Variants in ZHX2 observed in about 807,000 individuals in gnomAD.
ZHX2 encodes the protein zinc fingers and homeoboxes 2, also known as zinc fingers and homeoboxes protein 2.
Under a neutral mutation model 21.9 loss-of-function variants are expected in ZHX2, and 6 were observed. The observed-to-expected ratio is 0.27, with a 90% CI of 0.15 to 0.54. ZHX2 has a LOEUF of 0.54. Ranked by LOEUF, ZHX2 falls within the 20% of genes least tolerant of loss-of-function variation. The pLI is 0.95. For synonymous variants in ZHX2, 434 were observed against 437.1 expected, an observed-to-expected ratio of 0.99 and a Z score of 0.09; for missense variants, 908 against 1,090.7, an observed-to-expected ratio of 0.83 and a Z score of 2.36.
chr8:122,922,269 G>T (rs1820758099), intron 2 of ZHX2, among the ~76,000 whole-genome samples: 1 of 138,284 alleles, frequency 7.2e-6, no homozygotes, highest in African/African-American at 2.8e-5. Context: ...TCACTTGTGA[G>T]TTCATGAAAA....
chr8:122,958,800 A>G (rs527833504), intron 3 of ZHX2, among the ~76,000 whole-genome samples: 1 of 152,324 alleles, frequency 6.6e-6, no homozygotes, highest in East Asian at 1.9e-4. Flanking sequence ...GTGGAAACTA[A>G]TCCACAATGT....
At chr8:122,920,905 T>C (rs1820721360) in intron 2 of ZHX2, among the ~76,000 whole-genome samples, 1 of 152,096 alleles carries the variant, frequency 6.6e-6, no homozygotes, top group African/African-American at 2.4e-5. Context: ...CACACCACAA[T>C]GCACAGCACC....
intron 1 of ZHX2, among the ~76,000 whole-genome samples, chr8:122,836,237 C>T (rs535098125): frequency 6.6e-6 from 1 of 152,254 alleles, no homozygotes; most frequent in Admixed American, 6.5e-5. Flanking sequence ...GATTTTTGGA[C>T]CAGAGAAATC....
intron 2 of ZHX2, among the ~76,000 whole-genome samples, chr8:122,895,306 A>G (rs551587859): frequency 4.3e-4 from 66 of 152,200 alleles, no homozygotes; most frequent in Non-Finnish European, 7.3e-4. Flanking sequence ...CCAGTGGAGA[A>G]ATGCACTTTC....
chr8:122,801,730 CCA>C (rs993529856), intron 1 of ZHX2, among the ~76,000 whole-genome samples: 1 of 152,110 alleles, frequency 6.6e-6, no homozygotes, highest in Non-Finnish European at 1.5e-5. Flanking sequence ...CCAGCCCAGG[CCA>C]CAGAGTGAGA....
intron 1 of ZHX2, among the ~76,000 whole-genome samples, chr8:122,825,010 A>G (rs1402460847): frequency 5.3e-5 from 8 of 152,252 alleles, no homozygotes. Context: ...TCCTTCATTC[A>G]TAAAGACCCT....
At chr8:122,959,875 C>A (rs1025894398) in intron 3 of ZHX2, among the ~76,000 whole-genome samples, 2 of 152,202 alleles carry the variant, frequency 1.3e-5, no homozygotes, top group Non-Finnish European at 2.9e-5. Context: ...GGAATTCTCA[C>A]TGTGCTTTGG....
At chr8:122,879,436 A>G (rs1819649195) in intron 2 of ZHX2, among the ~76,000 whole-genome samples, 1 of 148,922 alleles carries the variant, frequency 6.7e-6, no homozygotes, top group African/African-American at 2.5e-5. Context: ...CAATCTCTTG[A>G]CCTCGTGATC....
At position 122,917,916 on chromosome 8, in the gene ZHX2, G is replaced by A. The variant is rs1396402751; in HGVS notation, c.-219-33376G>A. 1.3e-5 allele frequency among the ~76,000 whole-genome samples: 2 copies of A among 152,168 alleles called. 1 individual carries two copies. The highest frequency in any genetic ancestry group is 2.9e-5 in the Non-Finnish European group (2 of 68,038). ...ATAGGTTCTCCTAGTAAGGCCATCA[G>A]GATTCTTCTCAACACACTGCAGACC... On this transcript the variant is annotated intron_variant, in intron 2 of 3. Transcript: ENST00000314393.
At chr8:122,853,919 T>C (rs942880508) in intron 1 of ZHX2, among the ~76,000 whole-genome samples, 1 of 152,202 alleles carries the variant, frequency 6.6e-6, no homozygotes, top group Non-Finnish European at 1.5e-5. Context: ...GATGACTCTT[T>C]TTTTAACACA....
chr8:122,938,942 T>A (rs1017951746), intron 2 of ZHX2, among the ~76,000 whole-genome samples: 9 of 152,108 alleles, frequency 5.9e-5, no homozygotes, highest in Non-Finnish European at 1.2e-4. Context: ...GGGGATATAT[T>A]TGGCAGTTTA....
chr8:122,822,241 G>C (rs147337484), intron 1 of ZHX2, among the ~76,000 whole-genome samples: 1 of 152,172 alleles, frequency 6.6e-6, no homozygotes, highest in Non-Finnish European at 1.5e-5. Flanking sequence ...AAGGCCCAGC[G>C]AGTGAAGGGG....
intron 2 of ZHX2, among the ~76,000 whole-genome samples, chr8:122,949,328 GA>G (rs1365345685): frequency 1.3e-5 from 2 of 151,398 alleles, no homozygotes; most frequent in Non-Finnish European, 2.9e-5. Flanking sequence ...TATCTGAAAA[GA>G]AAAAAAGGAA....
intron 2 of ZHX2, among the ~76,000 whole-genome samples, chr8:122,864,643 C>G (rs973743214): frequency 2.0e-5 from 3 of 152,124 alleles, no homozygotes; most frequent in Non-Finnish European, 4.4e-5. Flanking sequence ...CCCACCCCCC[C>G]ACTCCCCAGG....
At chr8:122,962,575 G>A (rs1813483731) in intron 3 of ZHX2, among the ~76,000 whole-genome samples, 3 of 152,174 alleles carry the variant, frequency 2.0e-5, no homozygotes, top group Admixed American at 2.0e-4. Flanking sequence ...GAATTTTGCT[G>A]CTATAAACAT....
intron 1 of ZHX2, among the ~76,000 whole-genome samples, chr8:122,825,065 C>T (rs190925175): frequency 6.6e-6 from 1 of 152,344 alleles, no homozygotes; most frequent in East Asian, 1.9e-4. Flanking sequence ...ATAATCTCCC[C>T]ATCTCAAGAT....
At chr8:122,940,070 A>G (rs1193938282) in intron 2 of ZHX2, among the ~76,000 whole-genome samples, 1 of 152,208 alleles carries the variant, frequency 6.6e-6, no homozygotes, top group African/African-American at 2.4e-5. Flanking sequence ...GTGAATTAAC[A>G]TGCAGCATTT....
intron 1 of ZHX2, among the ~76,000 whole-genome samples, chr8:122,796,480 A>G (rs1486736905): frequency 6.6e-6 from 1 of 152,172 alleles, no homozygotes; most frequent in East Asian, 1.9e-4. Context: ...GTAATAGGAA[A>G]ATGGGCTTGG....
intron 1 of ZHX2, among the ~76,000 whole-genome samples, chr8:122,820,720 C>T (rs1325034307): frequency 6.6e-6 from 1 of 152,126 alleles, no homozygotes; most frequent in Non-Finnish European, 1.5e-5. Flanking sequence ...GGAAGGAAAA[C>T]TAAAGGAAGC....
Sources: gnomAD v4.1 joint callset for allele counts (sites outside exome capture counted in the v4.1 genomes callset) on GRCh38, gnomAD v4.1.1 for gene constraint, MANE v1.5 for transcripts, NCBI Gene and HGNC (gene_info 2026-07-23, HGNC 2026-07-21) for gene names.